The following TENM3 variants were observed in gnomAD, a reference collection of about 807,000 sequenced individuals.
TENM3 encodes teneurin transmembrane protein 3, also known as teneurin-3.
Under a neutral mutation model 255.1 loss-of-function variants are expected in TENM3, and 63 were observed. The observed-to-expected ratio is 0.25, with a 90% confidence interval of 0.20 to 0.30. The LOEUF is 0.30. TENM3 is among the 10% of genes least tolerant of loss of function. The pLI is 1.00. For synonymous variants in TENM3, 1,306 were observed against 1,322.3 expected (o/e 0.99, Z 0.27); for missense variants, 2,929 against 3,461.1 (o/e 0.85, Z 3.86).
At chr4:181,836,715 T>C in the TENM3 span, among the ~76,000 whole-genome samples, 11 of 152,324 alleles carry the variant, frequency 7.2e-5, no homozygotes, top group Admixed American at 2.0e-4. Flanking sequence ...CATACTGTTC[T>C]TCTGAACAAT....
At chr4:182,382,996 G>A (rs528709276) in intron 3 of TENM3, among the ~76,000 whole-genome samples, 1 of 152,230 alleles carries the variant, frequency 6.6e-6, no homozygotes, top group African/African-American at 2.4e-5. Context: ...TCATTCTGGC[G>A]CTTGCTAAAA....
In TENM3 at chr4:182,423,178, G is replaced by A. The variant is rs1165791738; in HGVS notation, c.511+76249G>A. Among the ~76,000 whole-genome samples the A allele has an allele frequency of 2.6e-5, 4 of 152,102 alleles. No individual in the cohort carries two copies. The East Asian group carries it at 7.7e-4, about 29-fold the overall frequency. On this transcript the variant is annotated intron_variant, in intron 3 of 27. Coordinates refer to ENST00000511685, the MANE Select transcript of TENM3 (RefSeq NM_001080477.4). ...GTTTTGTTCTTGTGTGTGTACGTGT[G>A]TGTATGAATTTTTTAAAATTTCTTT...
At chr4:182,756,765 A>T (rs778365089) in intron 22 of TENM3, among the ~76,000 whole-genome samples, 8 of 152,198 alleles carry the variant, frequency 5.3e-5, no homozygotes, top group Non-Finnish European at 1.2e-4. Flanking sequence ...AATAAAATGA[A>T]TGTTAGCCAG....
the TENM3 span, among the ~76,000 whole-genome samples, chr4:181,853,345 T>G: frequency 6.6e-6 from 1 of 152,216 alleles, no homozygotes; most frequent in Admixed American, 6.5e-5. Context: ...TAGTTAAACT[T>G]TTACGTTGCC....
chr4:182,524,514 A>G (rs1738939436), intron 3 of TENM3, among the ~76,000 whole-genome samples: 1 of 151,824 alleles, frequency 6.6e-6, no homozygotes, highest in East Asian at 2.0e-4. Context: ...GTGCACCACC[A>G]TGCCTGGCTA....
chr4:181,825,482 T>G, the TENM3 span, among the ~76,000 whole-genome samples: 1 of 147,912 alleles, frequency 6.8e-6, no homozygotes, highest in Non-Finnish European at 1.5e-5. Context: ...GAAAACTAAA[T>G]CAGGTCTTTC....
chr4:182,732,190 C>G (rs1291309544), intron 16 of TENM3, among the ~76,000 whole-genome samples: 1 of 151,736 alleles, frequency 6.6e-6, no homozygotes, highest in Non-Finnish European at 1.5e-5. Flanking sequence ...AACTCAATCA[C>G]TAATAATGTC....
At chr4:181,518,247 A>T in the TENM3 span, among the ~76,000 whole-genome samples, 1 of 152,242 alleles carries the variant, frequency 6.6e-6, no homozygotes, top group Non-Finnish European at 1.5e-5. Context: ...TGTGGTAAAA[A>T]ATTTGGACTG....
At chr4:181,732,085 A>G in the TENM3 span, among the ~76,000 whole-genome samples, 1 of 152,208 alleles carries the variant, frequency 6.6e-6, no homozygotes, top group Non-Finnish European at 1.5e-5. Flanking sequence ...TCTTGCATAT[A>G]ATTTGCTTAT....
At chr4:181,857,523 T>C in the TENM3 span, among the ~76,000 whole-genome samples, 1 of 124,258 alleles carries the variant, frequency 8.0e-6, no homozygotes, top group Non-Finnish European at 1.6e-5. Flanking sequence ...GAGACAAGCC[T>C]AGCCAACATA....
chr4:181,637,224 AC>A, the TENM3 span, among the ~76,000 whole-genome samples: 1 of 85,078 alleles, frequency 1.2e-5, no homozygotes, highest in Non-Finnish European at 2.9e-5. Context: ...TATAACAACA[AC>A]AAAAAAAACT....
At chr4:181,957,845 G>A in the TENM3 span, among the ~76,000 whole-genome samples, 30 of 152,142 alleles carry the variant, frequency 2.0e-4, no homozygotes, top group African/African-American at 7.2e-4. Context: ...CGCACTAAAT[G>A]TTCTCATTTC....
At chr4:182,104,395 C>T in the TENM3 span, among the ~76,000 whole-genome samples, 1 of 151,908 alleles carries the variant, frequency 6.6e-6, no homozygotes, top group Non-Finnish European at 1.5e-5. Flanking sequence ...TTTCCAGGGA[C>T]CTGCAAAGTG....
chr4:181,595,430 C>CAAAAAAAAAAAAAAAAAA, the TENM3 span, among the ~76,000 whole-genome samples: 1 of 41,856 alleles, frequency 2.4e-5, no homozygotes, highest in East Asian at 6.4e-4. Flanking sequence ...GACTCCATCC[C>CAAAAAAAAAAAAAAAAAA]AAAAAAAAAA....
At chr4:182,578,368 A>C (rs796542248) in intron 3 of TENM3, among the ~76,000 whole-genome samples, 1 of 152,098 alleles carries the variant, frequency 6.6e-6, no homozygotes, top group South Asian at 2.1e-4. Context: ...TTACTAATTT[A>C]TTATGTTTCC....
At chr4:182,634,868 A>T (rs1222601746) in intron 5 of TENM3, among the ~76,000 whole-genome samples, 1 of 152,152 alleles carries the variant, frequency 6.6e-6, no homozygotes, top group African/African-American at 2.4e-5. Context: ...TTTTCTGGGT[A>T]GAAGATAACC....
chr4:181,805,019 A>G, the TENM3 span, among the ~76,000 whole-genome samples: 1 of 152,016 alleles, frequency 6.6e-6, no homozygotes, highest in African/African-American at 2.4e-5. Context: ...CTTCATAAGC[A>G]TCTGCTTCTC....
In TENM3 at chr4:182,736,993, C is replaced by G; in HGVS notation, c.3153C>G (p.Ala1051=). ...GACTCTTCCAAAAGTGGTTTCCTGC[C>G]TCACCAAACTTGGCCTATACTTTCA... ...VGRLFQKWFP[A]SPNLAYTFIW... is the part of the protein sequence containing the mutation. The change falls in exon 17 of 28, where the codon GCC becomes GCG. Residue 1051 remains alanine, a synonymous_variant. Transcript: ENST00000511685. 6.2e-7 allele frequency: 1 copy of G among 1,613,750 alleles called. No individual in the cohort carries two copies. The highest frequency in any genetic ancestry group is 8.5e-7 in the Non-Finnish European group (1 of 1,179,756).
At chr4:181,687,405 G>A in the TENM3 span, among the ~76,000 whole-genome samples, 1 of 152,168 alleles carries the variant, frequency 6.6e-6, no homozygotes, top group African/African-American at 2.4e-5. Context: ...GAAACTAAAT[G>A]TAGTTGTTTT....
Sources: allele counts gnomAD v4.1 joint callset (sites outside exome capture counted in the v4.1 genomes callset), GRCh38; gene constraint gnomAD v4.1.1; transcripts MANE v1.5; gene names NCBI Gene and HGNC (gene_info 2026-07-23, HGNC 2026-07-21).